The following ATP13A5 variants were observed in gnomAD, a reference collection of about 807,000 sequenced individuals.
ATP13A5 encodes probable cation-transporting ATPase 13A5.
ATP13A5 carries 149 observed loss-of-function variants against 150.2 expected under a neutral mutation model. The ratio of observed to expected loss-of-function variants is 0.99; its 90% CI spans 0.87 to 1.14. ATP13A5 has a LOEUF of 1.14. ATP13A5 is among the 50% of genes most tolerant of loss of function. The pLI, the probability that ATP13A5 is intolerant of heterozygous loss-of-function variation, is 0.00. For synonymous variants in ATP13A5, 497 were observed against 522.2 expected, an observed-to-expected ratio of 0.95 and a Z score of 0.66; for missense variants, 1,383 against 1,449.3, an observed-to-expected ratio of 0.95 and a Z score of 0.74.
At chr3:193,277,127 G>A (rs1408471144) in intron 28 of ATP13A5, among the ~76,000 whole-genome samples, 1 of 152,174 alleles carries the variant, frequency 6.6e-6, no homozygotes, top group Non-Finnish European at 1.5e-5. Flanking sequence ...TGGAGGCTAT[G>A]TGTCTGTCTC....
intron 26 of ATP13A5, among the ~76,000 whole-genome samples, chr3:193,285,619 G>A (rs1717689967): frequency 1.3e-5 from 2 of 152,082 alleles, no homozygotes; most frequent in East Asian, 1.9e-4. Context: ...TGGCCTATGA[G>A]ATCTTTGCAT....
Position 193,301,243 on chromosome 3 carries a change from T to G in ATP13A5, c.2743A>C (p.Ile915Leu), listed in dbSNP as rs761182362. The part of the protein sequence containing the change: ...VFKYLTMYGI[I>L]QFISALLLYW... Reference sequence around the variant, plus strand: ...AGCAGTAATGCACTGATAAACTGGATTATGCCGTACATGGTCAAGTATTTA... The same window carrying G: ...AGCAGTAATGCACTGATAAACTGGAGTATGCCGTACATGGTCAAGTATTTA... Residue 915 changes from isoleucine to leucine, a missense_variant, in exon 24 of 30, where the codon ATC becomes CTC. By Grantham distance (5) the Ile-to-Leu change is conservative. This residue lies in a region of ATP13A5 where 568 missense variants were observed against 621.5 expected (regional missense o/e 0.91). Coordinates refer to ENST00000342358, the MANE Select transcript of ATP13A5 (RefSeq NM_198505.4). 1 of 1,613,494 alleles carries G rather than the reference T, an allele frequency of 6.2e-7. No individual in the cohort carries two copies. Among genetic ancestry groups the G allele is most frequent in the Admixed American group, 1.7e-5 (1 of 59,970 alleles).
intron 5 of ATP13A5, among the ~76,000 whole-genome samples, chr3:193,356,623 C>A (rs1006755016): frequency 6.6e-6 from 1 of 152,130 alleles, no homozygotes; most frequent in African/African-American, 2.4e-5. Context: ...ATACATAAAG[C>A]ATTTAGTTCT....
intron 11 of ATP13A5, among the ~76,000 whole-genome samples, chr3:193,332,537 C>T (rs1203703749): frequency 6.6e-6 from 1 of 152,176 alleles, no homozygotes; most frequent in Non-Finnish European, 1.5e-5. Flanking sequence ...GTTAAATTAA[C>T]CATCATTTTA....
intron 1 of ATP13A5, among the ~76,000 whole-genome samples, chr3:193,375,465 G>A (rs189846831): frequency 3.4e-4 from 52 of 152,246 alleles, no homozygotes; most frequent in Admixed American, 6.5e-4. Context: ...GAGAAGACAA[G>A]AAAAACTGAC....
rs1242649946 is a variant in ATP13A5 at position 193,334,914 on chromosome 3, G to A, written c.1114+15C>T. The A allele has an allele frequency of 6.2e-7, 1 of 1,601,328 alleles. No individual in the cohort carries two copies. The highest frequency in any genetic ancestry group is 1.1e-5 in the South Asian group (1 of 89,580). On this transcript the variant is annotated intron_variant, in intron 10 of 29. Coordinates refer to ENST00000342358, the MANE Select transcript of ATP13A5 (RefSeq NM_198505.4). Reference sequence around the variant, plus strand: ...TCAAGCATGAATTAAACTTACAAAAGTGGAATCCACTAACCTGTTTGCAAA... The same window carrying A: ...TCAAGCATGAATTAAACTTACAAAAATGGAATCCACTAACCTGTTTGCAAA...
At chr3:193,310,743 A>G in intron 20 of ATP13A5, 26 bp from the exon 21 acceptor site, 1 of 1,553,812 alleles carries the variant, frequency 6.4e-7, no homozygotes, top group South Asian at 1.2e-5. Context: ...AACCATTGCA[A>G]TATGATTGGG....
chr3:193,329,441 T>C lies in ATP13A5; in HGVS notation c.1461+1682A>G, dbSNP rs552666945. On this transcript the variant is annotated intron_variant, in intron 12 of 29. Transcript: ENST00000342358. Reference sequence around the variant, plus strand: ...TGAGGATGTGGAGGGAGAGGTTTTATACAGGAAATAAAGTGAACAGCCTCG... The same window carrying C: ...TGAGGATGTGGAGGGAGAGGTTTTACACAGGAAATAAAGTGAACAGCCTCG... Among the ~76,000 whole-genome samples, 60 of 140,990 alleles carry C rather than the reference T, an allele frequency of 4.3e-4. 1 individual carries two copies. In the South Asian group the frequency reaches 7.4e-3, roughly 17 times the overall value. The allele number at this position is 140,990 out of a possible 152,430, so 92.5% of individuals were successfully genotyped here. A position where few individuals can be genotyped will look rare whatever the true frequency, so the allele number is the denominator to read the frequency against.
chr3:193,341,222 A>C (rs1165313018), intron 9 of ATP13A5, among the ~76,000 whole-genome samples: 1 of 148,596 alleles, frequency 6.7e-6, no homozygotes, highest in Non-Finnish European at 1.5e-5. Flanking sequence ...ATTTGAGAGA[A>C]GCTAGATCTT....
chr3:193,311,718 G>C (rs779487683), intron 20 of ATP13A5, 98 bp downstream of exon 20: 94 of 1,512,462 alleles, frequency 6.2e-5, no homozygotes, highest in Non-Finnish European at 8.3e-5. Flanking sequence ...CTCTAACTGT[G>C]AGGCAACCTC....
Position 193,339,410 on chromosome 3 carries a change from G to A in ATP13A5, c.944-4311C>T, listed in dbSNP as rs999011176. ...TCCCTCTACACACTGCTTTAAATGT[G>A]TCCCAGAGATTCTGGTATATTGAAA... On this transcript the variant is annotated intron_variant, in intron 9 of 29. Coordinates refer to ENST00000342358, the MANE Select transcript of ATP13A5 (RefSeq NM_198505.4). 3.9e-5 allele frequency among the ~76,000 whole-genome samples: 6 copies of A among 152,088 alleles called. No homozygotes were observed. The East Asian group carries it at 1.2e-3, about 29-fold the overall frequency.
chr3:193,314,761 A>T (rs1718984267), intron 18 of ATP13A5, among the ~76,000 whole-genome samples: 1 of 152,178 alleles, frequency 6.6e-6, no homozygotes, highest in Non-Finnish European at 1.5e-5. Flanking sequence ...TAGTCATTAG[A>T]CAAAGAGGAT....
At chr3:193,334,082 CA>C (rs1431128162) in intron 10 of ATP13A5, among the ~76,000 whole-genome samples, 175 bp from the exon 11 acceptor site, 2 of 152,200 alleles carry the variant, frequency 1.3e-5, no homozygotes, top group East Asian at 3.9e-4. Context: ...CCATGTAGGC[CA>C]CAGGCTGAGC....
chr3:193,344,512 G>A (rs1712251248), intron 8 of ATP13A5, among the ~76,000 whole-genome samples: 1 of 152,158 alleles, frequency 6.6e-6, no homozygotes, highest in Non-Finnish European at 1.5e-5. Context: ...GACTAGCTCA[G>A]AACAGATGCC....
rs551643421 is a variant in ATP13A5, at chr3:193,311,406, C to T, written c.2445+410G>A. ...ATGACTCTGAAAATAAACCATGGGG[C>T]CTTTGTTTCCTCTTGCTGTAATTTA... On this transcript the variant is annotated intron_variant, in intron 20 of 29. Transcript: ENST00000342358. Among the ~76,000 whole-genome samples, 9 of 152,262 alleles carry T rather than the reference C, an allele frequency of 5.9e-5. No individual in the cohort carries two copies. In the South Asian group the frequency reaches 1.9e-3, roughly 32 times the overall value.
intron 24 of ATP13A5, 30 bp from the exon 25 acceptor site, chr3:193,299,233 G>C (rs763853795): frequency 3.9e-6 from 6 of 1,544,232 alleles, no homozygotes; most frequent in Non-Finnish European, 5.3e-6. Context: ...AAATATAAAT[G>C]TGGCATCTGC....
chr3:193,314,377 C>T (rs1718967575), intron 18 of ATP13A5, 184 bp from the exon 19 acceptor site: 1 of 586,498 alleles, frequency 1.7e-6, no homozygotes, highest in Non-Finnish European at 3.0e-6. Flanking sequence ...CCATCTCCCT[C>T]TCCATATTCT....
chr3:193,331,078 T>G (rs1179628297), intron 12 of ATP13A5, 45 bp downstream of exon 12: 1 of 1,568,596 alleles, frequency 6.4e-7, no homozygotes, highest in South Asian at 1.2e-5. Context: ...AGCTCCACCA[T>G]GCCTTGAAAT....
intron 9 of ATP13A5, among the ~76,000 whole-genome samples, chr3:193,341,047 AATAGAG>A (rs1191865936): frequency 4.6e-5 from 7 of 152,152 alleles, no homozygotes; most frequent in Non-Finnish European, 8.8e-5. Flanking sequence ...TGCCCACTCT[AATAGAG>A]TTGCAGGTTG....
Sources: allele counts gnomAD v4.1 joint callset (sites outside exome capture counted in the v4.1 genomes callset), GRCh38; gene constraint gnomAD v4.1.1; regional missense constraint gnomAD v4.1.1; transcripts MANE v1.5; gene names NCBI Gene and HGNC (gene_info 2026-07-23, HGNC 2026-07-21).